UGT2A1: variants seen among roughly 807,000 people sequenced by gnomAD.
UGT2A1 encodes the protein UDP-glucuronosyltransferase 2A1.
UGT2A1 carries 61 observed loss-of-function variants against 45.4 expected under a neutral mutation model. The observed-to-expected ratio is 1.34, with a 90% CI of 1.09 to 1.66. The LOEUF (loss-of-function observed/expected upper bound fraction) is 1.66, where lower values mean the gene tolerates loss of function less well. Among genes scored for constraint, UGT2A1 ranks in the 40% most tolerant of loss-of-function variants. UGT2A1 has a pLI of 0.00. For synonymous variants in UGT2A1, 229 were observed against 196.2 expected (o/e 1.17, Z -1.40); for missense variants, 649 against 574.3 (o/e 1.13, Z -1.33).
At chr4:69,606,707 A>G (rs1346479256) in intron 3 of UGT2A1, among the ~76,000 whole-genome samples, 1 of 137,100 alleles carries the variant, frequency 7.3e-6, no homozygotes, top group Non-Finnish European at 1.6e-5. Context: ...TTAAGCTGAT[A>G]AGCAACTTCA....
At chr4:69,591,447 C>T (rs1236553085) in intron 6 of UGT2A1, among the ~76,000 whole-genome samples, 1 of 152,080 alleles carries the variant, frequency 6.6e-6, no homozygotes, top group Non-Finnish European at 1.5e-5. Context: ...GAAGGAATGC[C>T]TGGGTTAAGA....
At chr4:69,590,794 T>A (rs1422936240) in intron 6 of UGT2A1, among the ~76,000 whole-genome samples, 1 of 152,198 alleles carries the variant, frequency 6.6e-6, no homozygotes, top group Non-Finnish European at 1.5e-5. Context: ...TGTTTTCCTA[T>A]AAATGATGTG....
At chr4:69,618,099 G>GT (rs1366613604) in intron 3 of UGT2A1, among the ~76,000 whole-genome samples, 8 of 151,528 alleles carry the variant, frequency 5.3e-5, no homozygotes, top group African/African-American at 1.9e-4. Context: ...TAGATTACAT[G>GT]TTTTTATATA....
intron 3 of UGT2A1, among the ~76,000 whole-genome samples, chr4:69,602,955 A>C (rs62306486): frequency 0.18 from 24,727 of 134,310 alleles, 5,946 homozygotes; most frequent in Non-Finnish European, 0.22. Context: ...GTAATCCCAG[A>C]TACTCTAGAG....
At chr4:69,637,423 G>A (rs985989265) in intron 2 of UGT2A1, among the ~76,000 whole-genome samples, 1 of 152,088 alleles carries the variant, frequency 6.6e-6, no homozygotes, top group East Asian at 1.9e-4. Context: ...CTTGTGAAAG[G>A]TAAGAGTAAG....
intron 6 of UGT2A1, among the ~76,000 whole-genome samples, chr4:69,591,433 A>G (rs1718593076): frequency 6.6e-6 from 1 of 152,192 alleles, no homozygotes; most frequent in Non-Finnish European, 1.5e-5. Flanking sequence ...CCTGGGATCA[A>G]AGGGAAGGAA....
Position 69,653,177 on chromosome 4 carries a change from T to C in UGT2A1, c.-55+11A>G, listed in dbSNP as rs1722618487. On this transcript the variant is annotated intron_variant, in intron 1 of 6. Coordinates refer to ENST00000286604, the MANE Select transcript of UGT2A1 (RefSeq NM_001252275.3). ...TTATATTGATTATCATGAAGTTTTC[T>C]AGTTTCTTACCTGAAGTTTCCTGGA... The C allele has an allele frequency of 6.6e-6, 1 of 152,208 alleles. No individual in the cohort carries two copies. Among genetic ancestry groups the C allele is most frequent in the African/African-American group, 2.4e-5 (1 of 41,458 alleles). 9.4% of individuals were successfully genotyped at this position (152,208 alleles called of 1,614,324 possible).
At chr4:69,609,769 G>A (rs972558453) in intron 3 of UGT2A1, among the ~76,000 whole-genome samples, 5 of 152,066 alleles carry the variant, frequency 3.3e-5, no homozygotes, top group Admixed American at 6.6e-5. Context: ...TTCTGGAACA[G>A]GAGACACATA....
At chr4:69,594,152 T>G (rs1216392602) in intron 6 of UGT2A1, among the ~76,000 whole-genome samples, 1 of 151,850 alleles carries the variant, frequency 6.6e-6, no homozygotes, top group Non-Finnish European at 1.5e-5. Context: ...ATTTTTGTAT[T>G]TTTAGTAGAG....
rs191829658 is a variant in UGT2A1 at position 69,604,465 on chromosome 4, C to T, written c.848-5071G>A. Among the ~76,000 whole-genome samples the T allele has an allele frequency of 4.2e-3, 582 of 137,172 alleles. 100 individuals are homozygous for T. The highest frequency in any genetic ancestry group is 0.016 in the Middle Eastern group (4 of 256). 90.0% of individuals were successfully genotyped at this position (137,172 alleles called of 152,430 possible). ...CAACCAGTACCAGCCACTGCAAAAA[C>T]ATGCCACATTGTACAGACCATCGAG... On this transcript the variant is annotated intron_variant, in intron 3 of 6. Coordinates refer to ENST00000286604, the MANE Select transcript of UGT2A1 (RefSeq NM_001252275.3).
intron 1 of UGT2A1, among the ~76,000 whole-genome samples, chr4:69,648,186 TATAA>T (rs1311433949): frequency 1.3e-5 from 2 of 149,640 alleles, no homozygotes; most frequent in African/African-American, 2.4e-5. Flanking sequence ...AATATATTAC[TATAA>T]ATATTTATAA....
At chr4:69,591,720 G>A (rs975337598) in intron 6 of UGT2A1, among the ~76,000 whole-genome samples, 2 of 151,952 alleles carry the variant, frequency 1.3e-5, no homozygotes, top group Admixed American at 6.6e-5. Flanking sequence ...TTTATTTTTG[G>A]TTTACAGTTT....
chr4:69,600,943 T>C (rs916100855), intron 3 of UGT2A1, among the ~76,000 whole-genome samples: 4 of 152,004 alleles, frequency 2.6e-5, no homozygotes, highest in Non-Finnish European at 4.4e-5. Flanking sequence ...ACTTCCAACA[T>C]TGGGGATCAC....
chr4:69,646,814 A>G (rs1185899817), intron 2 of UGT2A1, 116 bp downstream of exon 2: 1 of 693,640 alleles, frequency 1.4e-6, no homozygotes, highest in African/African-American at 1.8e-5. Context: ...TGATAGTAAT[A>G]TATAGTACAT....
intron 1 of UGT2A1, 135 bp from the exon 2 acceptor site, chr4:69,647,833 G>A (rs1432330): frequency 0.38 from 167,589 of 437,970 alleles, 33,242 homozygotes; most frequent in East Asian, 0.56. Context: ...ACAGATTTAT[G>A]GGTAATGTGT....
chr4:69,636,221 T>C lies in UGT2A1; in HGVS notation c.716-399A>G, dbSNP rs948361882. ...CAGAACTGAAGAACAACTATTGTAA[T>C]GGAAACGCCACAAAAATTTGACATG... On this transcript the variant is annotated intron_variant, in intron 2 of 6. Coordinates refer to ENST00000286604, the MANE Select transcript of UGT2A1 (RefSeq NM_001252275.3). 1.9e-4 allele frequency among the ~76,000 whole-genome samples: 29 copies of C among 152,262 alleles called. No individual in the cohort carries two copies. The East Asian group carries it at 3.3e-3, about 17-fold the overall frequency.
At chr4:69,616,197 A>G (rs1720368680) in intron 3 of UGT2A1, among the ~76,000 whole-genome samples, 1 of 151,832 alleles carries the variant, frequency 6.6e-6, no homozygotes, top group Non-Finnish European at 1.5e-5. Flanking sequence ...TAGAGAAGAT[A>G]TAGAGTAGAG....
Position 69,599,232 on chromosome 4 carries a change from T to C in UGT2A1, c.996+14A>G. 1.9e-6 allele frequency: 3 copies of C among 1,594,616 alleles called. No individual in the cohort carries two copies. In the African/African-American group the frequency reaches 4.1e-5, roughly 22 times the overall value. On this transcript the variant is annotated intron_variant, in intron 4 of 6. Transcript: ENST00000286604. ...TTATGAAGAGCATAAAATCCTCCAC[T>C]GTTGTAGACCTACCTTAGGTAAAGG...
chr4:69,653,116 T>G (rs1722616110), intron 1 of UGT2A1, 72 bp downstream of exon 1: 1 of 152,228 alleles, frequency 6.6e-6, no homozygotes, highest in Admixed American at 6.5e-5. Context: ...GATATTTCTT[T>G]AAGAAGAGAA....
Sources: allele counts gnomAD v4.1 joint callset (sites outside exome capture counted in the v4.1 genomes callset), GRCh38; gene constraint gnomAD v4.1.1; transcripts MANE v1.5; gene names NCBI Gene and HGNC (gene_info 2026-07-23, HGNC 2026-07-21).